PTK2: variants seen among roughly 807,000 people sequenced by gnomAD.
PTK2 encodes focal adhesion kinase 1.
Under a neutral mutation model 150.1 loss-of-function variants are expected in PTK2, and 45 were observed. The observed-to-expected ratio is 0.30, with a 90% CI of 0.24 to 0.38. The LOEUF (loss-of-function observed/expected upper bound fraction) is 0.38, where lower values mean the gene tolerates loss of function less well. PTK2 is among the 10% of genes least tolerant of loss of function. The pLI is 1.00. For synonymous variants in PTK2, 432 were observed against 449.2 expected, an observed-to-expected ratio of 0.96 and a Z score of 0.48; for missense variants, 919 against 1,307.3, an observed-to-expected ratio of 0.70 and a Z score of 4.58.
At chr8:140,758,680 G>A (rs576906761) in intron 16 of PTK2, among the ~76,000 whole-genome samples, 31 of 152,040 alleles carry the variant, frequency 2.0e-4, no homozygotes, top group Non-Finnish European at 4.3e-4. Flanking sequence ...AGCTTAAAAG[G>A]TTCATGATGT....
chr8:141,001,852 A>T (rs2100200334), upstream of PTK2, among the ~76,000 whole-genome samples: 1 of 152,192 alleles, frequency 6.6e-6, no homozygotes, highest in Non-Finnish European at 1.5e-5. Context: ...AGGCTCAGAG[A>T]TTCTTTTCAT....
intron 31 of PTK2, chr8:140,662,704 T>G: frequency 1.7e-6 from 1 of 595,272 alleles, no homozygotes; most frequent in Admixed American, 2.1e-5. Flanking sequence ...AATGTCCAGT[T>G]GGTCAACTGG....
At chr8:140,766,148 A>C (rs1200613298) in intron 14 of PTK2, among the ~76,000 whole-genome samples, 2 of 152,112 alleles carry the variant, frequency 1.3e-5, no homozygotes, top group Non-Finnish European at 2.9e-5. Context: ...AACTGCTGAA[A>C]AGTCTCTACA....
At chr8:140,716,943 C>T (rs967511185) in intron 23 of PTK2, among the ~76,000 whole-genome samples, 1 of 152,158 alleles carries the variant, frequency 6.6e-6, no homozygotes, top group Non-Finnish European at 1.5e-5. Context: ...CTGGCTAAAA[C>T]CCCCAGCCAT....
chr8:140,751,847 T>C (rs1302254887), intron 17 of PTK2: 1 of 506,732 alleles, frequency 2.0e-6, no homozygotes. Context: ...TAGAGCCCTA[T>C]TCCTTCACTA....
At chr8:140,923,122 C>T (rs1214522071) in intron 2 of PTK2, among the ~76,000 whole-genome samples, 1 of 152,138 alleles carries the variant, frequency 6.6e-6, no homozygotes, top group Non-Finnish European at 1.5e-5. Flanking sequence ...TTTCAATATC[C>T]AAATATCATC....
At chr8:140,842,664 T>C (rs2100123016) in intron 7 of PTK2, among the ~76,000 whole-genome samples, 1 of 152,084 alleles carries the variant, frequency 6.6e-6, no homozygotes. Flanking sequence ...AATCTACTTA[T>C]ATGGAGATAG....
At chr8:140,915,258 A>G (rs1296978699) in intron 2 of PTK2, among the ~76,000 whole-genome samples, 1 of 152,042 alleles carries the variant, frequency 6.6e-6, no homozygotes, top group East Asian at 1.9e-4. Context: ...CAGGAGGATG[A>G]GTCCATTTTA....
At chr8:140,898,109 A>G (rs2100157034) in intron 2 of PTK2, among the ~76,000 whole-genome samples, 1 of 152,234 alleles carries the variant, frequency 6.6e-6, no homozygotes, top group African/African-American at 2.4e-5. Context: ...TCACAGACCA[A>G]TACTTTTGTA....
rs117699518 is a variant in PTK2, at chr8:140,884,740, T to C, written c.196-5103A>G. 1.5e-4 allele frequency among the ~76,000 whole-genome samples: 23 copies of C among 152,322 alleles called. No homozygotes were observed. The East Asian group carries it at 3.9e-3, about 26-fold the overall frequency. On this transcript the variant is annotated intron_variant, in intron 3 of 31. Coordinates refer to ENST00000522684, the Ensembl canonical transcript of PTK2. ...GCAGAATCCCAAATCACTGTACATT[T>C]TCCCATTCCTATCAGAAGGATGATT...
intron 14 of PTK2, among the ~76,000 whole-genome samples, chr8:140,789,004 A>G (rs2100086696): frequency 1.3e-5 from 2 of 152,220 alleles, no homozygotes; most frequent in African/African-American, 4.8e-5. Context: ...TTGCACCAGC[A>G]AATAGTTAAG....
chr8:140,971,271 A>G (rs931928022), intron 1 of PTK2, among the ~76,000 whole-genome samples: 1 of 152,236 alleles, frequency 6.6e-6, no homozygotes, highest in African/African-American at 2.4e-5. Flanking sequence ...AAATTATGAA[A>G]GTATTATGGT....
At chr8:140,806,929 G>A (rs777911477) in intron 10 of PTK2, among the ~76,000 whole-genome samples, 1 of 152,124 alleles carries the variant, frequency 6.6e-6, no homozygotes, top group Non-Finnish European at 1.5e-5. Context: ...ACTCTCTCAC[G>A]CCACCCTACT....
At chr8:140,946,846 A>G (rs1194454744) in intron 1 of PTK2, among the ~76,000 whole-genome samples, 1 of 152,226 alleles carries the variant, frequency 6.6e-6, no homozygotes, top group Non-Finnish European at 1.5e-5. Flanking sequence ...ATCTAAAGCA[A>G]TTAGAACCAT....
chr8:140,820,472 G>C (rs1478877378), intron 8 of PTK2: 1 of 152,754 alleles, frequency 6.5e-6, no homozygotes, highest in East Asian at 1.9e-4. Flanking sequence ...GAGAGACCAA[G>C]TCAGGGCAAC....
At chr8:140,930,121 T>C (rs1026755045) in intron 1 of PTK2, among the ~76,000 whole-genome samples, 2 of 152,216 alleles carry the variant, frequency 1.3e-5, no homozygotes, top group Non-Finnish European at 2.9e-5. Context: ...TTGAGGCTTA[T>C]AATATGTTTA....
chr8:140,908,396 C>T (rs113897237), intron 2 of PTK2, among the ~76,000 whole-genome samples: 11 of 152,292 alleles, frequency 7.2e-5, no homozygotes, highest in Admixed American at 1.3e-4. Context: ...AGAAGCTGCA[C>T]CAAGTTGTCC....
intron 1 of PTK2, among the ~76,000 whole-genome samples, chr8:140,996,410 G>A (rs2100197813): frequency 6.6e-6 from 1 of 152,198 alleles, no homozygotes; most frequent in Admixed American, 6.5e-5. Flanking sequence ...TGATGAAGGT[G>A]GCTACACTAA....
chr8:140,947,403 T>C (rs2100178060), intron 1 of PTK2, among the ~76,000 whole-genome samples: 1 of 152,168 alleles, frequency 6.6e-6, no homozygotes, highest in Non-Finnish European at 1.5e-5. Context: ...TTGACCAAAG[T>C]TCCACAGCTA....
Sources: gnomAD v4.1 joint callset for allele counts (sites outside exome capture counted in the v4.1 genomes callset) on GRCh38, gnomAD v4.1.1 for gene constraint, MANE v1.5 for transcripts, NCBI Gene and HGNC (gene_info 2026-07-23, HGNC 2026-07-21) for gene names.